The following ZFR2 variants were observed in gnomAD, a reference collection of about 807,000 sequenced individuals.
ZFR2 encodes zinc finger RNA-binding protein 2.
In ZFR2, 104 loss-of-function variants were observed where a neutral mutation model predicts 105.7. The observed-to-expected ratio is 0.98, with a 90% CI of 0.84 to 1.16. The LOEUF is 1.16. ZFR2 is among the 50% of genes most tolerant of loss of function. The pLI is 0.00. For missense variants in ZFR2, 1,425 were observed against 1,355.5 expected (o/e 1.05, Z -0.80); for synonymous variants, 634 against 597.7 (o/e 1.06, Z -0.89).
At position 3,816,949 on chromosome 19, in the gene ZFR2, T is replaced by C. The variant is rs2145140982; in HGVS notation, c.1932-104A>G. On this transcript the variant is annotated intron_variant, in intron 12 of 18. Transcript: ENST00000262961. ...GGGACCCTGCAAGTTACAGAGCCTC[T>C]CTGTGCCTCGGCATCCTCATCCATG... 7.3e-6 allele frequency: 8 copies of C among 1,099,898 alleles called. No individual in the cohort carries two copies. The South Asian group carries it at 1.1e-4, about 15-fold the overall frequency. 68.1% of individuals were successfully genotyped at this position (1,099,898 alleles called of 1,614,324 possible). A position where few individuals can be genotyped will look rare whatever the true frequency, so the allele number is the denominator to read the frequency against.
At chr19:3,864,536 T>C (rs2145198548) in intron 1 of ZFR2, among the ~76,000 whole-genome samples, 1 of 152,322 alleles carries the variant, frequency 6.6e-6, no homozygotes, top group South Asian at 2.1e-4. Flanking sequence ...GACAAACTGC[T>C]AAACAAAGAG....
intron 1 of ZFR2, among the ~76,000 whole-genome samples, chr19:3,837,824 G>GATGAACACTATGACTGTGACACTGA (rs1341007762): frequency 6.6e-6 from 1 of 151,704 alleles, no homozygotes; most frequent in African/African-American, 2.4e-5. Flanking sequence ...ATGGACACTC[G>GATGAACACTATGACTGTGACACTGA]ATGAACACCA....
intron 1 of ZFR2, among the ~76,000 whole-genome samples, chr19:3,853,044 A>G (rs1339839172): frequency 6.6e-6 from 1 of 152,176 alleles, no homozygotes; most frequent in Non-Finnish European, 1.5e-5. Context: ...CGGGAGGATC[A>G]CTTGAGCCCA....
rs778225271 is a variant in ZFR2 at position 3,827,460 on chromosome 19, C to A, written c.1035+11G>T. 3 of 1,527,364 alleles carry A rather than the reference C, an allele frequency of 2.0e-6. No homozygotes were observed. The highest frequency in any genetic ancestry group is 2.1e-5 in the Admixed American group (1 of 48,024). The allele number at this position is 1,527,364 out of a possible 1,614,324, so 94.6% of individuals were successfully genotyped here. On this transcript the variant is annotated intron_variant, in intron 6 of 18. Transcript: ENST00000262961. ...CCAGGGTGGCAGAGCCTGGGCCGGG[C>A]GGGGCCGTACCTTCTGGTGCTTGGA...
In ZFR2 at chr19:3,834,640, C is replaced by A; in HGVS notation, c.264+133G>T. ...CCCCACCACGGGTACGCAATGCCAG[C>A]AGAAGGGTCCCGAAGGAAGGATCAC... On this transcript the variant is annotated intron_variant, in intron 2 of 18. Transcript: ENST00000262961. This position sits in a 1 kb window ranked among gnomAD's most constrained non-coding sequence, Gnocchi z 5.3. 1 of 989,474 alleles carries A rather than the reference C, an allele frequency of 1.0e-6. No individual in the cohort carries two copies. The highest frequency in any genetic ancestry group is 1.5e-6 in the Non-Finnish European group (1 of 660,544). 61.3% of individuals were successfully genotyped at this position (989,474 alleles called of 1,614,324 possible).
chr19:3,844,015 G>GGGGGT (rs2038162226), intron 1 of ZFR2, among the ~76,000 whole-genome samples: 1 of 128,868 alleles, frequency 7.8e-6, no homozygotes, highest in East Asian at 2.3e-4. Flanking sequence ...GTAGGATGTG[G>GGGGGT]GGGGGGGGGT....
chr19:3,808,739 T>A (rs1431320727), intron 17 of ZFR2, 133 bp downstream of exon 17: 1 of 709,794 alleles, frequency 1.4e-6, no homozygotes, highest in African/African-American at 1.8e-5. Context: ...CATGTGTGTG[T>A]TGTGGGCCGC....
At chr19:3,816,880 C>T (rs1054452468) in intron 12 of ZFR2, 35 bp from the exon 13 acceptor site, 18 of 1,518,488 alleles carry the variant, frequency 1.2e-5, no homozygotes, top group Middle Eastern at 3.5e-4. Flanking sequence ...GCGCCATCAG[C>T]GGAGAGACGC....
At chr19:3,864,825 G>T (rs2038412146) in intron 1 of ZFR2, among the ~76,000 whole-genome samples, 1 of 151,976 alleles carries the variant, frequency 6.6e-6, no homozygotes, top group East Asian at 1.9e-4. Context: ...TCAGCTCACT[G>T]TGACCTCCAC....
intron 16 of ZFR2, 44 bp downstream of exon 16, chr19:3,810,706 T>G: frequency 6.5e-7 from 1 of 1,527,526 alleles, no homozygotes; most frequent in Non-Finnish European, 8.8e-7. Flanking sequence ...ATGGAGGCCC[T>G]TGGGGGTCCC....
intron 1 of ZFR2, among the ~76,000 whole-genome samples, chr19:3,843,048 C>T (rs752853081): frequency 2.0e-5 from 3 of 152,122 alleles, no homozygotes; most frequent in Non-Finnish European, 4.4e-5. Context: ...TCTCATGACT[C>T]AGCAATTCCA....
In ZFR2 at chr19:3,811,355, G is replaced by A. The variant is rs775151751; in HGVS notation, c.2254C>T (p.Pro752Ser). The change falls in exon 15 of 19, where the codon CCT becomes TCT. Residue 752 changes from proline (P) to serine (S), a missense_variant. Transcript: ENST00000262961. Reference protein sequence around the residue: ...DPSTDPGVEEPQADAGDVLSP... With the variant: ...DPSTDPGVEESQADAGDVLSP... The stretch of plus-strand genomic sequence containing the variant: ...AGGACATCACCTGCATCAGCCTGAG[G>A]CTCCTCCACACCTTCTAGAAGAAAA... 5 of 1,595,408 alleles carry A rather than the reference G, an allele frequency of 3.1e-6. No homozygotes were observed. Among genetic ancestry groups the A allele is most frequent in the South Asian group, 1.1e-5 (1 of 87,572 alleles).
chr19:3,864,204 G>C (rs1436688042), intron 1 of ZFR2, among the ~76,000 whole-genome samples: 5 of 152,036 alleles, frequency 3.3e-5, no homozygotes, highest in Non-Finnish European at 7.4e-5. Flanking sequence ...AAAATAGCAA[G>C]ACCCTATCTC....
rs1299712784 is a variant in ZFR2 at position 3,838,456 on chromosome 19, G to A, written c.54-3473C>T. Among the ~76,000 whole-genome samples, 4 of 152,198 alleles carry A rather than the reference G, an allele frequency of 2.6e-5. No homozygotes were observed. The highest frequency in any genetic ancestry group is 6.5e-5 in the Admixed American group (1 of 15,286). On this transcript the variant is annotated intron_variant, in intron 1 of 18. Coordinates refer to ENST00000262961, the MANE Select transcript of ZFR2 (RefSeq NM_015174.2). The surrounding 1 kb of genome is among the most constrained non-coding windows in gnomAD (Gnocchi z 4.9). The stretch of plus-strand genomic sequence containing the variant: ...AAGGTTCCATACGGGAGCTGGGGCA[G>A]AGCAGAGCTGGCCTCAGCTGTACAG...
intron 1 of ZFR2, among the ~76,000 whole-genome samples, chr19:3,848,767 G>A (rs61232997): frequency 0.16 from 24,915 of 151,770 alleles, 2,916 homozygotes; most frequent in African/African-American, 0.34. Flanking sequence ...TGAGGTGGGC[G>A]GATCACGAGG....
At chr19:3,866,567 A>G (rs1050525400) in intron 1 of ZFR2, among the ~76,000 whole-genome samples, 1 of 152,206 alleles carries the variant, frequency 6.6e-6, no homozygotes, top group South Asian at 2.1e-4. Context: ...CTTAGCAATC[A>G]CCTATTTGAA....
rs147071866 is a variant in ZFR2 at position 3,810,733 on chromosome 19, G to C, written c.2433+17C>G. The C allele has an allele frequency of 6.5e-7, 1 of 1,544,742 alleles. No homozygotes were observed. ...GGGGGTCCCAGTGGAGGGCCGGGCC[G>C]CCAGGCACTGCCTTACCCAGGCTGG... On this transcript the variant is annotated intron_variant, in intron 16 of 18. Transcript: ENST00000262961.
At chr19:3,827,770 C>T (rs1599233622) in intron 5 of ZFR2, 117 bp from the exon 6 acceptor site, 4 of 1,130,762 alleles carry the variant, frequency 3.5e-6, no homozygotes, top group Middle Eastern at 5.3e-4. Flanking sequence ...GGCCCGCTGT[C>T]CCCAACCCTC....
At chr19:3,856,122 A>C (rs2038298205) in intron 1 of ZFR2, among the ~76,000 whole-genome samples, 1 of 152,194 alleles carries the variant, frequency 6.6e-6, no homozygotes, top group South Asian at 2.1e-4. Context: ...GCGTGCGCTC[A>C]AGGTCAGAAG....
Sources: allele counts gnomAD v4.1 joint callset (sites outside exome capture counted in the v4.1 genomes callset), GRCh38; gene constraint gnomAD v4.1.1; non-coding constraint Gnocchi (gnomAD v3.1); transcripts MANE v1.5; gene names NCBI Gene and HGNC (gene_info 2026-07-23, HGNC 2026-07-21).